The following DLG2 variants were observed in gnomAD, a reference collection of about 807,000 sequenced individuals.
DLG2 encodes the protein discs large MAGUK scaffold protein 2, also known as disks large homolog 2.
A neutral mutation model predicts 132.5 loss-of-function variants in DLG2; 45 were observed. That is an observed-to-expected ratio of 0.34 (90% CI 0.27 to 0.44). The LOEUF (loss-of-function observed/expected upper bound fraction) is 0.44, where lower values mean the gene tolerates loss of function less well. Ranked by LOEUF, DLG2 falls within the 20% of genes least tolerant of loss-of-function variation. DLG2 has a pLI of 1.00. For missense variants in DLG2, 1,045 were observed against 1,196.9 expected (o/e 0.87, Z 1.87); for synonymous variants, 424 against 419.6 (o/e 1.01, Z -0.13).
intron 5 of DLG2, among the ~76,000 whole-genome samples, chr11:85,149,713 C>T (rs764038922): frequency 6.6e-6 from 1 of 151,716 alleles, no homozygotes; most frequent in Non-Finnish European, 1.5e-5. Flanking sequence ...TTAGAGACAA[C>T]AAAAAAATAT....
chr11:83,880,216 G>A (rs888964058), intron 15 of DLG2, among the ~76,000 whole-genome samples: 1 of 151,990 alleles, frequency 6.6e-6, no homozygotes, highest in East Asian at 1.9e-4. Flanking sequence ...GGAATAAAGG[G>A]GTCAAGATGG....
At chr11:83,890,692 T>C (rs1475475033) in intron 15 of DLG2, among the ~76,000 whole-genome samples, 2 of 152,150 alleles carry the variant, frequency 1.3e-5, no homozygotes, top group Non-Finnish European at 2.9e-5. Context: ...TAAAGCAGTG[T>C]ATGTAAAAAA....
At chr11:84,336,697 C>T (rs930730844) in intron 7 of DLG2, among the ~76,000 whole-genome samples, 2 of 152,126 alleles carry the variant, frequency 1.3e-5, no homozygotes, top group Non-Finnish European at 2.9e-5. Context: ...CATGGCTCCC[C>T]GGGAGCCAAG....
At position 84,051,091 on chromosome 11, in the gene DLG2, T is replaced by A. The variant is rs545044238; in HGVS notation, c.919+8224A>T. 2.0e-5 allele frequency among the ~76,000 whole-genome samples: 3 copies of A among 152,026 alleles called. No homozygotes were observed. In the East Asian group the frequency reaches 5.8e-4, roughly 30 times the overall value. ...ACAGTGAGATACCATCTCACACCAC[T>A]TAGAATGGCGATCATTAAAAAGACA... is the stretch of plus-strand genomic sequence containing the variant. On this transcript the variant is annotated intron_variant, in intron 11 of 27. Coordinates refer to ENST00000376104, the MANE Select transcript of DLG2 (RefSeq NM_001142699.3).
intron 3 of DLG2, among the ~76,000 whole-genome samples, chr11:85,559,420 AT>A (rs1187576548): frequency 1.3e-5 from 2 of 151,656 alleles, no homozygotes; most frequent in African/African-American, 2.4e-5. Context: ...AAGTGCTGGA[AT>A]TATAGGCATG....
intron 6 of DLG2, among the ~76,000 whole-genome samples, chr11:84,770,052 G>T (rs560651117): frequency 6.6e-6 from 1 of 152,272 alleles, no homozygotes; most frequent in East Asian, 1.9e-4. Context: ...AGATGTGTGG[G>T]TTATGGAGGT....
chr11:83,787,618 G>A (rs188442621), intron 17 of DLG2, among the ~76,000 whole-genome samples: 22 of 152,174 alleles, frequency 1.4e-4, no homozygotes, highest in Admixed American at 5.2e-4. Context: ...ACCGCGCCCG[G>A]CCGCCTTGTT....
intron 6 of DLG2, chr11:84,721,004 T>G (rs1789175): frequency 0.62 from 93,823 of 151,214 alleles, 30,427 homozygotes; most frequent in East Asian, 0.74. Context: ...TGGCCCTGCC[T>G]TTGGGCGCTC....
At chr11:83,622,464 T>TAATC (rs2061788404) in intron 19 of DLG2, among the ~76,000 whole-genome samples, 1 of 152,222 alleles carries the variant, frequency 6.6e-6, no homozygotes, top group Admixed American at 6.5e-5. Flanking sequence ...TCTCTCAATT[T>TAATC]AATCACAAAT....
chr11:84,583,058 G>A (rs1302297021), intron 6 of DLG2, among the ~76,000 whole-genome samples: 10 of 152,252 alleles, frequency 6.6e-5, no homozygotes, highest in Middle Eastern at 6.8e-3. Context: ...TCCTTTTGAG[G>A]TCTATTCTAA....
intron 3 of DLG2, among the ~76,000 whole-genome samples, chr11:85,369,869 G>A (rs1321501600): frequency 1.3e-5 from 2 of 152,192 alleles, no homozygotes; most frequent in Non-Finnish European, 2.9e-5. Context: ...CTTGGATCAA[G>A]TATTTTTTAA....
chr11:83,811,376 T>G (rs1445917246), intron 17 of DLG2, among the ~76,000 whole-genome samples: 1 of 152,136 alleles, frequency 6.6e-6, no homozygotes, highest in African/African-American at 2.4e-5. Context: ...CTGTATTAGG[T>G]TGAACCACAC....
intron 17 of DLG2, among the ~76,000 whole-genome samples, chr11:83,821,804 T>C (rs2050878170): frequency 6.6e-6 from 1 of 152,202 alleles, no homozygotes; most frequent in East Asian, 1.9e-4. Context: ...TATGAATTGC[T>C]AAATAAATCA....
Position 84,799,164 on chromosome 11 carries a change from T to G in DLG2, c.358-264433A>C, listed in dbSNP as rs79818597. 7.0e-4 allele frequency among the ~76,000 whole-genome samples: 106 copies of G among 152,326 alleles called. 1 individual carries two copies. The East Asian group carries it at 0.019, about 27-fold the overall frequency. On this transcript the variant is annotated intron_variant, in intron 6 of 27. Transcript: ENST00000376104. ...GAATTACAGTCCTTGTGTCCCAGAC[T>G]GCCTTTCAAGTTCATTTATGATCCC...
At chr11:85,058,459 T>A (rs2154157839) in intron 6 of DLG2, among the ~76,000 whole-genome samples, 1 of 151,552 alleles carries the variant, frequency 6.6e-6, no homozygotes, top group Non-Finnish European at 1.5e-5. Flanking sequence ...AGAACATAAA[T>A]CCTTCTCAAG....
chr11:83,778,384 T>A (rs1382863963), intron 18 of DLG2, among the ~76,000 whole-genome samples: 1 of 152,162 alleles, frequency 6.6e-6, no homozygotes, highest in East Asian at 1.9e-4. Flanking sequence ...CACAAGGATT[T>A]ATTTGGCTTT....
chr11:83,464,635 G>T (rs1013680622), intron 26 of DLG2, among the ~76,000 whole-genome samples: 2 of 152,200 alleles, frequency 1.3e-5, no homozygotes, highest in African/African-American at 4.8e-5. Flanking sequence ...ATAAGTGGCT[G>T]TGACAGTGCC....
chr11:83,966,300 A>G (rs1284374009), intron 12 of DLG2, among the ~76,000 whole-genome samples: 1 of 151,960 alleles, frequency 6.6e-6, no homozygotes, highest in Non-Finnish European at 1.5e-5. Context: ...TGATTTTTTC[A>G]CTTTAAAATG....
chr11:84,722,802 T>G (rs1450522563), intron 6 of DLG2, among the ~76,000 whole-genome samples: 1 of 152,168 alleles, frequency 6.6e-6, no homozygotes, highest in Non-Finnish European at 1.5e-5. Flanking sequence ...GCCTAAGGTT[T>G]TGGGATTCTT....
Sources: allele counts gnomAD v4.1 joint callset (sites outside exome capture counted in the v4.1 genomes callset), GRCh38; gene constraint gnomAD v4.1.1; transcripts MANE v1.5; gene names NCBI Gene and HGNC (gene_info 2026-07-23, HGNC 2026-07-21).